The following REEP3 variants were observed in gnomAD, a reference collection of about 807,000 sequenced individuals.
The protein encoded by REEP3 is receptor expression-enhancing protein 3.
Under a neutral mutation model 41.3 loss-of-function variants are expected in REEP3, and 20 were observed. That is an observed-to-expected ratio of 0.48 (90% CI 0.34 to 0.70). The LOEUF (loss-of-function observed/expected upper bound fraction) is 0.70, where lower values mean the gene tolerates loss of function less well. Ranked by LOEUF, REEP3 falls within the 30% of genes least tolerant of loss-of-function variation. The pLI is 0.01. For missense variants in REEP3, 271 were observed against 308.8 expected (o/e 0.88, Z 0.92); for synonymous variants, 104 against 101.8 (o/e 1.02, Z -0.13).
At chr10:63,591,268 A>G (rs540013225) in intron 2 of REEP3, among the ~76,000 whole-genome samples, 2 of 152,250 alleles carry the variant, frequency 1.3e-5, no homozygotes, top group South Asian at 4.1e-4. Flanking sequence ...AACCAAATAC[A>G]TTAATGGAAA....
intron 5 of REEP3, among the ~76,000 whole-genome samples, chr10:63,603,826 T>C (rs1210952440): frequency 6.6e-6 from 1 of 152,228 alleles, no homozygotes; most frequent in Non-Finnish European, 1.5e-5. Context: ...CCTCAAGTTA[T>C]ACTGTGCTTA....
At chr10:63,568,804 C>T (rs1955827080) in intron 2 of REEP3, among the ~76,000 whole-genome samples, 1 of 141,382 alleles carries the variant, frequency 7.1e-6, no homozygotes, top group Non-Finnish European at 1.5e-5. Context: ...TACAGCCGTG[C>T]ACCACCATGC....
At chr10:63,610,041 G>T (rs1181715269) in intron 5 of REEP3, 146 bp from the exon 6 acceptor site, 1 of 621,546 alleles carries the variant, frequency 1.6e-6, no homozygotes, top group Non-Finnish European at 2.7e-6. Flanking sequence ...TGAGAAAGCA[G>T]ATACCGCAAA....
chr10:63,578,860 C>G (rs191794970), intron 2 of REEP3, among the ~76,000 whole-genome samples: 1 of 152,050 alleles, frequency 6.6e-6, no homozygotes, highest in Non-Finnish European at 1.5e-5. Context: ...TTGTAGCTGA[C>G]ATACACTGAA....
At chr10:63,549,319 A>G (rs549462790) in intron 1 of REEP3, among the ~76,000 whole-genome samples, 21 of 152,286 alleles carry the variant, frequency 1.4e-4, no homozygotes, top group African/African-American at 5.1e-4. Context: ...TGTAATCCCA[A>G]CACTTTCGGA....
intron 1 of REEP3, among the ~76,000 whole-genome samples, chr10:63,533,257 T>G (rs1029858271): frequency 6.6e-6 from 1 of 152,324 alleles, no homozygotes; most frequent in South Asian, 2.1e-4. Flanking sequence ...AAACTGACTC[T>G]TGGAGAGGCC....
At chr10:63,524,313 C>T (rs1225767411) in intron 1 of REEP3, among the ~76,000 whole-genome samples, 3 of 152,168 alleles carry the variant, frequency 2.0e-5, no homozygotes, top group African/African-American at 7.2e-5. Flanking sequence ...TCAGACCCTT[C>T]TCTCAACATG....
At chr10:63,557,209 G>A (rs1955696202) in intron 1 of REEP3, among the ~76,000 whole-genome samples, 1 of 152,136 alleles carries the variant, frequency 6.6e-6, no homozygotes, top group Non-Finnish European at 1.5e-5. Context: ...CAAGCTCGCA[G>A]CGTGACCTCA....
At chr10:63,599,889 T>C (rs534514059) in intron 5 of REEP3, among the ~76,000 whole-genome samples, 1 of 152,358 alleles carries the variant, frequency 6.6e-6, no homozygotes, top group South Asian at 2.1e-4. Context: ...TGATTTATTT[T>C]AAATACTTTA....
intron 1 of REEP3, among the ~76,000 whole-genome samples, chr10:63,557,894 C>G (rs961185676): frequency 6.6e-6 from 1 of 152,122 alleles, no homozygotes; most frequent in African/African-American, 2.4e-5. Context: ...CCTGGCAACC[C>G]ATGGAGGGAA....
At chr10:63,565,637 T>A (rs1955790994) in intron 1 of REEP3, among the ~76,000 whole-genome samples, 1 of 152,210 alleles carries the variant, frequency 6.6e-6, no homozygotes, top group Non-Finnish European at 1.5e-5. Flanking sequence ...TGTATGTTTA[T>A]GTCTTAGGTA....
chr10:63,595,481 C>T (rs1956105345), intron 3 of REEP3, among the ~76,000 whole-genome samples: 1 of 152,218 alleles, frequency 6.6e-6, no homozygotes, highest in Admixed American at 6.5e-5. Context: ...AGAACTTCTC[C>T]TTTCAAAATA....
chr10:63,615,150 G>A (rs555288298), intron 6 of REEP3, among the ~76,000 whole-genome samples: 1 of 152,272 alleles, frequency 6.6e-6, no homozygotes, highest in South Asian at 2.1e-4. Flanking sequence ...ATACATAAGA[G>A]AAAGTTTGGA....
In REEP3 at chr10:63,556,623, T is replaced by G. The variant is rs1313163269; in HGVS notation, c.33-9715T>G. On this transcript the variant is annotated intron_variant, in intron 1 of 7. Coordinates refer to ENST00000373758, the MANE Select transcript of REEP3 (RefSeq NM_001001330.3). ...TGTTTTCTGTTTGCTTGTTTTTTTT[T>G]TTGTTGTTTTGTTTTTTTTTTTTTT... is the stretch of plus-strand genomic sequence containing the variant. Among the ~76,000 whole-genome samples, 5 of 976 alleles carry G rather than the reference T, an allele frequency of 5.1e-3. 1 individual carries two copies. Among genetic ancestry groups the G allele is most frequent in the East Asian group, 0.033 (1 of 30 alleles). The allele number at this position is 976 out of a possible 152,430, so 0.6% of individuals were successfully genotyped here.
chr10:63,589,785 CTTTTTTTT>C (rs59658061), intron 2 of REEP3, among the ~76,000 whole-genome samples: 14 of 80,834 alleles, frequency 1.7e-4, no homozygotes, highest in South Asian at 1.6e-3. Flanking sequence ...AGCAGAACAT[CTTTTTTTT>C]TTTTTTTTTT....
chr10:63,552,498 C>T (rs1172728696), intron 1 of REEP3, among the ~76,000 whole-genome samples: 1 of 152,056 alleles, frequency 6.6e-6, no homozygotes, highest in East Asian at 1.9e-4. Context: ...CCAAGTAGTG[C>T]CTTATGTAGC....
At chr10:63,533,708 A>ACCTTTTTTTTTTTTTTTT (rs1955446506) in intron 1 of REEP3, among the ~76,000 whole-genome samples, 1 of 93,918 alleles carries the variant, frequency 1.1e-5, no homozygotes, top group Non-Finnish European at 2.5e-5. Flanking sequence ...AAGTATGTAA[A>ACCTTTTTTTTTTTTTTTT]TCTTTTTTTT....
intron 5 of REEP3, chr10:63,606,204 T>C: frequency 2.4e-6 from 1 of 413,468 alleles, no homozygotes; most frequent in Non-Finnish European, 3.0e-6. Flanking sequence ...AATCCCGCCT[T>C]TCCTCTTTAT....
chr10:63,521,842 G>T (rs1589851753), intron 1 of REEP3: 1 of 65,974 alleles, frequency 1.5e-5, no homozygotes, highest in South Asian at 7.0e-4. Context: ...GGCTGCGTGC[G>T]GTGCGGCGCG....
Sources: allele counts gnomAD v4.1 joint callset (sites outside exome capture counted in the v4.1 genomes callset), GRCh38; gene constraint gnomAD v4.1.1; transcripts MANE v1.5; gene names NCBI Gene and HGNC (gene_info 2026-07-23, HGNC 2026-07-21).